The following HIVEP3 variants were observed in gnomAD, a reference collection of about 807,000 sequenced individuals.
HIVEP3 encodes the protein HIVEP zinc finger 3.
A neutral mutation model predicts 152.8 loss-of-function variants in HIVEP3; 49 were observed. The ratio of observed to expected loss-of-function variants is 0.32; its 90% confidence interval spans 0.26 to 0.41. The LOEUF (loss-of-function observed/expected upper bound fraction) is 0.41. Ranked by LOEUF, HIVEP3 falls within the 10% of genes least tolerant of loss-of-function variation. The pLI is 1.00. For synonymous variants in HIVEP3, 1,269 were observed against 1,289.0 expected (o/e 0.98, Z 0.33); for missense variants, 2,790 against 3,103.3 (o/e 0.90, Z 2.40).
At chr1:41,887,719 C>T (rs903349114) in intron 1 of HIVEP3, among the ~76,000 whole-genome samples, 2 of 152,128 alleles carry the variant, frequency 1.3e-5, no homozygotes, top group African/African-American at 2.4e-5. Flanking sequence ...TGACAAATCC[C>T]GACTCTGTTA....
At chr1:41,890,970 G>C (rs1644437473) in intron 1 of HIVEP3, among the ~76,000 whole-genome samples, 1 of 152,208 alleles carries the variant, frequency 6.6e-6, no homozygotes, top group Non-Finnish European at 1.5e-5. Context: ...CTACGGTCCT[G>C]CTTCCACCAC....
intron 1 of HIVEP3, among the ~76,000 whole-genome samples, chr1:41,938,050 G>C (rs1645028282): frequency 6.6e-6 from 1 of 152,132 alleles, no homozygotes; most frequent in Non-Finnish European, 1.5e-5. Context: ...TTCTTCTCCT[G>C]GCCTTTGCAC....
At chr1:41,958,171 C>A (rs645609) in intron 1 of HIVEP3, among the ~76,000 whole-genome samples, 84,548 of 152,074 alleles carry the variant, frequency 0.56, 23,652 homozygotes, top group East Asian at 0.71. Context: ...CGGCAGCTCC[C>A]GGCTGCAATA....
At chr1:41,788,114 G>A (rs187913164) in intron 1 of HIVEP3, among the ~76,000 whole-genome samples, 24 of 152,254 alleles carry the variant, frequency 1.6e-4, no homozygotes, top group Middle Eastern at 3.4e-3. Context: ...AACTGCCCTG[G>A]GCCTGAGGAC....
At chr1:41,752,235 G>A (rs1361844445) in intron 1 of HIVEP3, among the ~76,000 whole-genome samples, 2 of 152,166 alleles carry the variant, frequency 1.3e-5, no homozygotes, top group Admixed American at 1.3e-4. Context: ...GGTGACCTCT[G>A]TGCTGCACCT....
intron 1 of HIVEP3, among the ~76,000 whole-genome samples, chr1:41,899,180 T>C (rs1426617381): frequency 2.0e-5 from 3 of 152,240 alleles, no homozygotes; most frequent in Non-Finnish European, 2.9e-5. Flanking sequence ...TTACTGATTG[T>C]TCCTGAAGAA....
chr1:41,810,981 A>G (rs1355228687), intron 1 of HIVEP3, among the ~76,000 whole-genome samples: 1 of 151,892 alleles, frequency 6.6e-6, no homozygotes, highest in Non-Finnish European at 1.5e-5. Context: ...GCCCTTCCCA[A>G]TCCCTTCCTA....
intron 1 of HIVEP3, among the ~76,000 whole-genome samples, chr1:41,868,332 T>C (rs1382340727): frequency 6.6e-6 from 1 of 152,032 alleles, no homozygotes; most frequent in Non-Finnish European, 1.5e-5. Flanking sequence ...ATTTGGAGAA[T>C]GCATGGGGAC....
At chr1:41,792,748 A>G (rs903133863) in intron 1 of HIVEP3, among the ~76,000 whole-genome samples, 2 of 152,204 alleles carry the variant, frequency 1.3e-5, no homozygotes, top group African/African-American at 4.8e-5. Flanking sequence ...TCAAACATAC[A>G]CATGACAGTT....
intron 1 of HIVEP3, among the ~76,000 whole-genome samples, chr1:41,729,497 G>A (rs1218130333): frequency 6.6e-6 from 1 of 152,208 alleles, no homozygotes; most frequent in Non-Finnish European, 1.5e-5. Flanking sequence ...CTTGCTGTTG[G>A]CAAAGGGCCT....
chr1:41,620,782 C>A (rs1042464232), intron 3 of HIVEP3, among the ~76,000 whole-genome samples: 1 of 152,202 alleles, frequency 6.6e-6, no homozygotes, highest in African/African-American at 2.4e-5. Context: ...CCCATTCACC[C>A]AGTCACTCAC....
chr1:41,946,249 C>T (rs1054980102), intron 1 of HIVEP3, among the ~76,000 whole-genome samples: 15 of 152,200 alleles, frequency 9.9e-5, no homozygotes, highest in Admixed American at 5.2e-4. Context: ...CCCCAGGGGA[C>T]GAAGGTCCTC....
chr1:42,025,802 G>A (rs1645578463), intron 1 of HIVEP3, among the ~76,000 whole-genome samples: 4 of 152,194 alleles, frequency 2.6e-5, no homozygotes, highest in Admixed American at 1.3e-4. Flanking sequence ...AGGCATGGTA[G>A]CTCACACCTG....
At chr1:41,668,285 A>G (rs1186029994) in intron 2 of HIVEP3, among the ~76,000 whole-genome samples, 1 of 152,364 alleles carries the variant, frequency 6.6e-6, no homozygotes, top group South Asian at 2.1e-4. Flanking sequence ...ACAACAGTGG[A>G]TGAAAGCAGT....
Position 41,581,517 on chromosome 1 carries a change from G to C in HIVEP3, c.3281C>G (p.Ser1094Ter). 6.3e-7 allele frequency: 1 copy of C among 1,586,804 alleles called. No homozygotes were observed. The highest frequency in any genetic ancestry group is 8.6e-7 in the Non-Finnish European group (1 of 1,166,676). The change falls in exon 4 of 9, where the codon TCA (serine) becomes TGA (stop). Residue 1094 changes from serine to a stop codon, truncating the protein, a stop_gained. Transcript: ENST00000372583. LOFTEE classifies it high-confidence loss of function. The surrounding 1 kb of genome is among the most constrained non-coding windows in gnomAD (Gnocchi z 4.5). ...CTTGCCTCCCGGGGGTCCACCATGT[G>C]AGGTGGCCGCAGAGGAAATCTGGGA... ...SLSQISSAAT[S>*]HGGPPGGKGP...
intron 2 of HIVEP3, among the ~76,000 whole-genome samples, chr1:41,682,119 C>T (rs574626772): frequency 1.3e-5 from 2 of 152,194 alleles, no homozygotes; most frequent in Non-Finnish European, 2.9e-5. Context: ...CTCTCTCTCT[C>T]TCATACGCAC....
At chr1:41,943,949 G>A (rs991515024) in intron 1 of HIVEP3, among the ~76,000 whole-genome samples, 2 of 152,166 alleles carry the variant, frequency 1.3e-5, no homozygotes, top group African/African-American at 2.4e-5. Flanking sequence ...AAAAAGGAAG[G>A]AAATTCTGAC....
At chr1:41,625,086 C>G (rs760459103) in intron 3 of HIVEP3, among the ~76,000 whole-genome samples, 9 of 139,886 alleles carry the variant, frequency 6.4e-5, no homozygotes, top group Non-Finnish European at 1.2e-4. Flanking sequence ...TAGCTTGAAC[C>G]TGGGAGGCAG....
At position 41,511,208 on chromosome 1, in the gene HIVEP3, G is replaced by A. The variant is rs1164572563; in HGVS notation, c.6464C>T (p.Ser2155Phe). 16 of 1,613,854 alleles carry A rather than the reference G, an allele frequency of 9.9e-6. No individual in the cohort carries two copies. The South Asian group carries it at 1.6e-4, about 17-fold the overall frequency. Residue 2155 changes from serine (S) to phenylalanine (F), a missense_variant, in exon 9 of 9, where the codon TCC becomes TTC. Ser to Phe is a radical substitution (Grantham distance 155). Transcript: ENST00000372583. The surrounding 1 kb of genome is among the most constrained non-coding windows in gnomAD (Gnocchi z 4.9). ...GTCATGGAGGGCGGAGAAGGGTCGG[G>A]AGGAGAGAGGATGAGCAGGGCCGGG... ...CSPGPAHPLS[S>F]RPFSALHDFH... is the part of the protein sequence containing the mutation.
Sources: allele counts gnomAD v4.1 joint callset (sites outside exome capture counted in the v4.1 genomes callset), GRCh38; gene constraint gnomAD v4.1.1; non-coding constraint Gnocchi (gnomAD v3.1); transcripts MANE v1.5; gene names NCBI Gene and HGNC (gene_info 2026-07-23, HGNC 2026-07-21).